The following CTNNA2 variants were observed in gnomAD, a reference collection of about 807,000 sequenced individuals.
CTNNA2 encodes catenin alpha-2.
Under a neutral mutation model 101.0 loss-of-function variants are expected in CTNNA2, and 42 were observed. The observed-to-expected ratio is 0.42, with a 90% CI of 0.32 to 0.54. The LOEUF is 0.54. Ranked by LOEUF, CTNNA2 falls within the 20% of genes least tolerant of loss-of-function variation. CTNNA2 has a pLI of 0.14. For missense variants in CTNNA2, 871 were observed against 1,223.1 expected (o/e 0.71, Z 4.29); for synonymous variants, 450 against 456.4 (o/e 0.99, Z 0.18).
At chr2:79,378,755 T>C (rs943218199) in intron 4 of CTNNA2, among the ~76,000 whole-genome samples, 1 of 152,090 alleles carries the variant, frequency 6.6e-6, no homozygotes, top group Non-Finnish European at 1.5e-5. Context: ...CCATTTATAA[T>C]GGAAAAAAAA....
At chr2:80,180,091 T>G (rs1705677676) in intron 7 of CTNNA2, among the ~76,000 whole-genome samples, 2 of 152,214 alleles carry the variant, frequency 1.3e-5, no homozygotes, top group Non-Finnish European at 2.9e-5. Context: ...CCGAAAGTTC[T>G]GATCATTTCC....
At chr2:79,274,281 A>G (rs183543463) in intron 2 of CTNNA2, among the ~76,000 whole-genome samples, 1 of 152,206 alleles carries the variant, frequency 6.6e-6, no homozygotes, top group Admixed American at 6.5e-5. Flanking sequence ...TAGCTTAATT[A>G]GTATTACAAA....
intron 2 of CTNNA2, among the ~76,000 whole-genome samples, chr2:79,296,953 G>C (rs1290852093): frequency 6.6e-6 from 1 of 152,070 alleles, no homozygotes; most frequent in Non-Finnish European, 1.5e-5. Flanking sequence ...TAGGGCCTTT[G>C]CATTCCTGCT....
intron 7 of CTNNA2, among the ~76,000 whole-genome samples, chr2:80,205,460 A>G (rs1573386245): frequency 2.0e-5 from 3 of 152,250 alleles, no homozygotes; most frequent in South Asian, 4.1e-4. Context: ...GAGGCAGCAG[A>G]TAAAGATTTA....
intron 1 of CTNNA2, among the ~76,000 whole-genome samples, chr2:79,605,044 A>G (rs994724058): frequency 1.3e-5 from 2 of 152,192 alleles, no homozygotes; most frequent in Non-Finnish European, 2.9e-5. Flanking sequence ...AAAGCAATCA[A>G]TCAAAACTAA....
chr2:80,542,779 T>G (rs535124920), intron 9 of CTNNA2, among the ~76,000 whole-genome samples: 1 of 152,154 alleles, frequency 6.6e-6, no homozygotes, highest in East Asian at 1.9e-4. Flanking sequence ...AATGAGAGGT[T>G]GTTCAAAAGC....
chr2:79,792,285 C>A (rs539736602), intron 3 of CTNNA2, among the ~76,000 whole-genome samples: 1 of 152,178 alleles, frequency 6.6e-6, no homozygotes, highest in East Asian at 1.9e-4. Context: ...AGTAAACAGC[C>A]TTGGAAATAA....
intron 7 of CTNNA2, among the ~76,000 whole-genome samples, chr2:79,941,151 T>C (rs1205222064): frequency 6.6e-6 from 1 of 152,244 alleles, no homozygotes; most frequent in Non-Finnish European, 1.5e-5. Flanking sequence ...TTTATTCCCA[T>C]GTTCTTTTGC....
At chr2:80,443,144 G>C (rs145713865) in intron 9 of CTNNA2, among the ~76,000 whole-genome samples, 12 of 152,272 alleles carry the variant, frequency 7.9e-5, no homozygotes, top group Middle Eastern at 3.4e-3. Flanking sequence ...TCGTGCCTTG[G>C]GCCTGGGTGA....
At chr2:79,999,219 A>G (rs1419621640) in intron 7 of CTNNA2, among the ~76,000 whole-genome samples, 3 of 152,116 alleles carry the variant, frequency 2.0e-5, no homozygotes, top group African/African-American at 7.2e-5. Context: ...TTTCAACCTT[A>G]TTTCTTCTCC....
In CTNNA2 at chr2:80,302,602, G is replaced by C. The variant is rs769080308; in HGVS notation, c.1057-90609G>C. 1.9e-6 allele frequency: 3 copies of C among 1,606,298 alleles called. No individual in the cohort carries two copies. Among genetic ancestry groups the C allele is most frequent in the Admixed American group, 1.7e-5 (1 of 59,954 alleles). On this transcript the variant is annotated intron_variant, in intron 7 of 18. Coordinates refer to ENST00000402739, the MANE Select transcript of CTNNA2 (RefSeq NM_001282597.3). The surrounding 1 kb of genome is among the most constrained non-coding windows in gnomAD (Gnocchi z 6.4). Reference sequence around the variant, plus strand: ...CTGGAAGAGCCACGGTGGCAGGCTCGAATGTGCCGTCGTGCTGCCCCTCCC... The same window carrying C: ...CTGGAAGAGCCACGGTGGCAGGCTCCAATGTGCCGTCGTGCTGCCCCTCCC...
intron 7 of CTNNA2, among the ~76,000 whole-genome samples, chr2:80,124,881 G>T (rs575200120): frequency 6.6e-6 from 1 of 152,262 alleles, no homozygotes; most frequent in South Asian, 2.1e-4. Flanking sequence ...TAGCTTTGCG[G>T]AGGAAGTTGA....
intron 1 of CTNNA2, among the ~76,000 whole-genome samples, chr2:79,526,146 A>AT (rs1349941136): frequency 6.6e-6 from 1 of 152,122 alleles, no homozygotes; most frequent in African/African-American, 2.4e-5. Flanking sequence ...AATTTAAAAT[A>AT]TTTTTTATCA....
At chr2:80,488,673 C>G (rs968136233) in intron 9 of CTNNA2, among the ~76,000 whole-genome samples, 1 of 152,092 alleles carries the variant, frequency 6.6e-6, no homozygotes, top group African/African-American at 2.4e-5. Flanking sequence ...CTTCCTTGCT[C>G]AATATCAGTT....
Position 80,408,585 on chromosome 2 carries a change from C to T in CTNNA2, c.1138-10864C>T, listed in dbSNP as rs574947780. Among the ~76,000 whole-genome samples the T allele has an allele frequency of 1.0e-3, 159 of 152,278 alleles. 1 individual carries two copies. Among genetic ancestry groups the T allele is most frequent in the Middle Eastern group, 3.4e-3 (1 of 294 alleles). ...GCTTTTGACCCTTTCACACTGGGCT[C>T]AAGAAGCTTGTGCCTATTCACCACC... On this transcript the variant is annotated intron_variant, in intron 8 of 18. Coordinates refer to ENST00000402739, the MANE Select transcript of CTNNA2 (RefSeq NM_001282597.3).
chr2:79,445,109 G>A lies in CTNNA2; in HGVS notation c.-134-59945G>A, dbSNP rs138455356. On this transcript the variant is annotated intron_variant, in intron 4 of 21. Coordinates refer to the CTNNA2 transcript ENST00000466387. ...GCAGGGTTGAGAACTAAATCCAAAA[G>A]CTTGGGGCTTTGTGTCACTTCAATT... is the stretch of plus-strand genomic sequence containing the variant. Among the ~76,000 whole-genome samples, 16 of 152,238 alleles carry A rather than the reference G, an allele frequency of 1.1e-4. No individual in the cohort carries two copies. The East Asian group carries it at 2.7e-3, about 26-fold the overall frequency.
At chr2:79,340,833 C>CAAAAAAAAAAAAAAAAAAA (rs56276462) in intron 3 of CTNNA2, among the ~76,000 whole-genome samples, 1 of 32,536 alleles carries the variant, frequency 3.1e-5, no homozygotes, top group Admixed American at 5.0e-4. Context: ...GACTCAGTCT[C>CAAAAAAAAAAAAAAAAAAA]AAAAAAAAAA....
intron 2 of CTNNA2, among the ~76,000 whole-genome samples, chr2:79,667,386 T>G (rs948743069): frequency 3.3e-5 from 5 of 152,200 alleles, no homozygotes; most frequent in African/African-American, 1.2e-4. Flanking sequence ...CAGAGAGATA[T>G]ATAGACTTGT....
intron 4 of CTNNA2, among the ~76,000 whole-genome samples, chr2:79,382,821 A>G (rs1213661673): frequency 1.3e-5 from 2 of 152,096 alleles, no homozygotes; most frequent in Non-Finnish European, 2.9e-5. Context: ...TCACTGTGTT[A>G]GCCAGAATGG....
Sources: allele counts gnomAD v4.1 joint callset (sites outside exome capture counted in the v4.1 genomes callset), GRCh38; gene constraint gnomAD v4.1.1; non-coding constraint Gnocchi (gnomAD v3.1); transcripts MANE v1.5; gene names NCBI Gene and HGNC (gene_info 2026-07-23, HGNC 2026-07-21).